Variants in ZIC5 observed in about 807,000 individuals in gnomAD.
ZIC5 encodes zinc finger protein ZIC 5.
ZIC5 carries 20 observed loss-of-function variants against 28.5 expected under a neutral mutation model. The ratio of observed to expected loss-of-function variants is 0.70; its 90% CI spans 0.49 to 1.02. The LOEUF (loss-of-function observed/expected upper bound fraction) is 1.02. Ranked by LOEUF, ZIC5 falls within the 50% of genes least tolerant of loss-of-function variation. ZIC5 has a pLI of 0.00. For synonymous variants in ZIC5, 488 were observed against 410.4 expected, an observed-to-expected ratio of 1.19 and a Z score of -2.29; for missense variants, 951 against 899.7, an observed-to-expected ratio of 1.06 and a Z score of -0.73.
intron 1 of ZIC5, among the ~76,000 whole-genome samples, chr13:99,966,486 C>G (rs1403820025): frequency 6.6e-6 from 1 of 152,150 alleles, no homozygotes; most frequent in African/African-American, 2.4e-5. Context: ...TCGATTTTTA[C>G]AGGGCTAGCT....
intron 1 of ZIC5, among the ~76,000 whole-genome samples, chr13:99,968,091 C>A (rs575831615): frequency 1.0e-3 from 152 of 152,334 alleles, no homozygotes; most frequent in African/African-American, 3.6e-3. Context: ...AGGAAAGGGG[C>A]CTTCGGAAGT....
In ZIC5 at chr13:99,970,125, A is replaced by C; in HGVS notation, c.1477+2T>G. 1 of 1,593,658 alleles carries C rather than the reference A, an allele frequency of 6.3e-7. No homozygotes were observed. The highest frequency in any genetic ancestry group is 8.5e-7 in the Non-Finnish European group (1 of 1,172,180). ...GCGGCGCGGCCGGGGACAGACACCC[A>C]CCTGTATGAGTACGCTTGTGGATCT... On this transcript the variant is annotated splice_donor_variant, in intron 1 of 1. Transcript: ENST00000267294. LOFTEE classifies it high-confidence loss of function.
rs1308466179 is a variant in ZIC5 at position 99,963,955 on chromosome 13, A to T, written c.*1422T>A. 1 of 152,516 alleles carries T rather than the reference A, an allele frequency of 6.6e-6. No homozygotes were observed. Among genetic ancestry groups the T allele is most frequent in the Non-Finnish European group, 1.5e-5 (1 of 68,038 alleles). 9.4% of individuals were successfully genotyped at this position (152,516 alleles called of 1,614,324 possible). ...TAGTGCTCTTTAGTGTATCTGTAGG[A>T]TGTTTCTGATGGACTACATTTTGCA... On this transcript the variant is annotated 3_prime_UTR_variant, in exon 2 of 2. Coordinates refer to ENST00000267294, the MANE Select transcript of ZIC5 (RefSeq NM_033132.5).
At position 99,971,301 on chromosome 13, in the gene ZIC5, T is replaced by G. The variant is rs1192616749; in HGVS notation, c.303A>C (p.Ala101=). The stretch of plus-strand genomic sequence containing the variant: ...CCGCGCCGGGGTGCGCGACCAAGGC[T>G]GCAGCACGGGCGGCGGCTGCCGGAG... ...PEAPAAAARA[A]ALVAHPGAGS... is the part of the protein sequence containing the mutation. Residue 101 remains alanine, a synonymous_variant, in exon 1 of 2, where the codon GCA becomes GCC. Transcript: ENST00000267294. 2.0e-5 allele frequency: 28 copies of G among 1,368,990 alleles called. No individual in the cohort carries two copies. The highest frequency in any genetic ancestry group is 4.0e-5 in the Admixed American group (1 of 25,004). The allele number at this position is 1,368,990 out of a possible 1,614,324, so 84.8% of individuals were successfully genotyped here.
chr13:99,971,637 TG>T lies in ZIC5; in HGVS notation c.-35del, dbSNP rs376782425. ...CACAATCAGGCCCATAGACCCTCAC[TG>T]GGGGGACTTTATTCCCTCTGCCCGC... On this transcript the variant is annotated 5_prime_UTR_variant, in exon 1 of 2. The change creates a premature stop within an existing upstream ORF in the 5' untranslated region. Coordinates refer to ENST00000267294, the MANE Select transcript of ZIC5 (RefSeq NM_033132.5). The T allele has an allele frequency of 1.5e-4, 236 of 1,560,632 alleles. No individual in the cohort carries two copies. In the East Asian group the frequency reaches 3.6e-3, roughly 24 times the overall value.
At position 99,970,049 on chromosome 13, in the gene ZIC5, G is replaced by A. The variant is rs2053135566; in HGVS notation, c.1477+78C>T. On this transcript the variant is annotated intron_variant, in intron 1 of 1. Transcript: ENST00000267294. ...AAAATTAAGGCGAGCAGGAGGAGGA[G>A]GAGAAGCAGCGGCGGAAGCGGCGGC... 22 of 1,593,916 alleles carry A rather than the reference G, an allele frequency of 1.4e-5. 1 individual carries two copies. In the South Asian group the frequency reaches 2.4e-4, roughly 18 times the overall value.
At chr13:99,968,225 A>G (rs532138291) in intron 1 of ZIC5, among the ~76,000 whole-genome samples, 4 of 152,256 alleles carry the variant, frequency 2.6e-5, no homozygotes, top group Admixed American at 2.6e-4. Context: ...AATGTCCAAT[A>G]GCTGAGCGGC....
intron 1 of ZIC5, among the ~76,000 whole-genome samples, chr13:99,968,404 C>CGGGTCCCCTCGCCGCCTG (rs1195714013): frequency 3.3e-5 from 5 of 152,122 alleles, no homozygotes; most frequent in Admixed American, 2.0e-4. Context: ...CAAATGACCG[C>CGGGTCCCCTCGCCGCCTG]GGGTCCCCTC....
At position 99,963,207 on chromosome 13, in the gene ZIC5, T is replaced by C. The variant is rs2053070382; in HGVS notation, c.*2170A>G. ...TCCTTTGTTTCATAATAAATAAACC[T>C]GTAGCATAATAAAGAATAGTGCAAA... On this transcript the variant is annotated 3_prime_UTR_variant, in exon 2 of 2. Transcript: ENST00000267294. 6.5e-6 allele frequency: 1 copy of C among 152,694 alleles called. No individual in the cohort carries two copies. Among genetic ancestry groups the C allele is most frequent in the South Asian group, 2.1e-4 (1 of 4,828 alleles). 9.5% of individuals were successfully genotyped at this position (152,694 alleles called of 1,614,324 possible). A position where few individuals can be genotyped will look rare whatever the true frequency, so the allele number is the denominator to read the frequency against.
chr13:99,965,443 T>G lies in ZIC5; in HGVS notation c.1854A>C (p.Gly618=), dbSNP rs1213380493. The change falls in exon 2 of 2, where the codon GGA becomes GGC. Residue 618 remains glycine (G), a synonymous_variant. Transcript: ENST00000267294. ...CCTCATCTTCAGTCTCAGAGGTGGT[T>G]CCGTTGCTGGAAGGGGTGTGGAGGT... The part of the protein sequence containing the change: ...PSHLHTPSSN[G]TTSETEDEEI... 1.2e-6 allele frequency: 2 copies of G among 1,614,144 alleles called. No individual in the cohort carries two copies. Among genetic ancestry groups the G allele is most frequent in the Non-Finnish European group, 8.5e-7 (1 of 1,180,014 alleles).
chr13:99,965,346 T>C lies in ZIC5; in HGVS notation c.*31A>G, dbSNP rs367619609. On this transcript the variant is annotated 3_prime_UTR_variant, in exon 2 of 2. Transcript: ENST00000267294. ...GATGTGGTCCAAGGACTCCCACTTA[T>C]TATTTCACTTATTATTATTAATAAT... 97 of 1,579,912 alleles carry C rather than the reference T, an allele frequency of 6.1e-5. No homozygotes were observed. Among genetic ancestry groups the C allele is most frequent in the Non-Finnish European group, 7.7e-5 (90 of 1,164,102 alleles).
In ZIC5 at chr13:99,971,715, TC is replaced by T. The variant is rs1160109051; in HGVS notation, c.-113del. ...CTCTTTAACTTCTTTTGTCCTGGCC[TC>T]TTAACTCTGCTTATTCCTGTTCCCA... is the stretch of plus-strand genomic sequence containing the variant. On this transcript the variant is annotated 5_prime_UTR_variant, in exon 1 of 2. Transcript: ENST00000267294. 3 of 1,549,382 alleles carry T rather than the reference TC, an allele frequency of 1.9e-6. No homozygotes were observed. The highest frequency in any genetic ancestry group is 2.7e-5 in the African/African-American group (2 of 72,900).
chr13:99,965,303 G>C lies in ZIC5; in HGVS notation c.*74C>G. 1 of 1,433,370 alleles carries C rather than the reference G, an allele frequency of 7.0e-7. No homozygotes were observed. The highest frequency in any genetic ancestry group is 9.4e-7 in the Non-Finnish European group (1 of 1,064,978). 88.8% of individuals were successfully genotyped at this position (1,433,370 alleles called of 1,614,324 possible). A position where few individuals can be genotyped will look rare whatever the true frequency, so the allele number is the denominator to read the frequency against. On this transcript the variant is annotated 3_prime_UTR_variant, in exon 2 of 2. Coordinates refer to ENST00000267294, the MANE Select transcript of ZIC5 (RefSeq NM_033132.5). ...TGAGTCACGGGTTTGTCTCAGGCTC[G>C]GCATTGTCTCAGGTTAGGATGTGGT...
At position 99,971,076 on chromosome 13, in the gene ZIC5, C is replaced by G; in HGVS notation, c.528G>C (p.Arg176=). The G allele has an allele frequency of 7.0e-7, 1 of 1,432,752 alleles. No individual in the cohort carries two copies. The highest frequency in any genetic ancestry group is 9.1e-7 in the Non-Finnish European group (1 of 1,104,142). 88.8% of individuals were successfully genotyped at this position (1,432,752 alleles called of 1,614,324 possible). Residue 176 remains arginine, a synonymous_variant, in exon 1 of 2, where the codon CGG becomes CGC. Coordinates refer to ENST00000267294, the MANE Select transcript of ZIC5 (RefSeq NM_033132.5). ...CGGGGGCCGTGGCGGAAAGGTCCCT[C>G]CGGAGGACGAAGTCCCTGCTGTGGC... ...GKGHSRDFVL[R]RDLSATAPAA...
Position 99,970,557 on chromosome 13 carries a change from G to GTGCTGGTGCGGGTGC in ZIC5, c.1032_1046dup (p.Gln344_Gln348dup), listed in dbSNP as rs779482891. The GTGCTGGTGCGGGTGC allele has an allele frequency of 9.4e-7, 1 of 1,060,544 alleles. No individual in the cohort carries two copies. Among genetic ancestry groups the GTGCTGGTGCGGGTGC allele is most frequent in the East Asian group, 8.0e-5 (1 of 12,470 alleles). The allele number at this position is 1,060,544 out of a possible 1,614,324, so 65.7% of individuals were successfully genotyped here. On this transcript the variant is annotated inframe_insertion, in exon 1 of 2. Coordinates refer to ENST00000267294, the MANE Select transcript of ZIC5 (RefSeq NM_033132.5). Reference sequence around the variant, plus strand: ...CAGCCGCCCCTGGGAGGTGGGGGTGGTGCTGGTGCGGGTGCTGCGCGGGCG... The same window carrying GTGCTGGTGCGGGTGC: ...CAGCCGCCCCTGGGAGGTGGGGGTGGTGCTGGTGCGGGTGCTGCTGGTGCGGGTGCTGCGCGGGCG...
chr13:99,970,583 CCGGCGG>C lies in ZIC5; in HGVS notation c.1015_1020del (p.Pro339_Pro340del), dbSNP rs532287066. The C allele has an allele frequency of 1.2e-5, 12 of 992,098 alleles. No individual in the cohort carries two copies. Among genetic ancestry groups the C allele is most frequent in the Non-Finnish European group, 1.4e-5 (12 of 838,678 alleles). 61.5% of individuals were successfully genotyped at this position (992,098 alleles called of 1,614,324 possible). A position where few individuals can be genotyped will look rare whatever the true frequency, so the allele number is the denominator to read the frequency against. ...TGCTGGTGCGGGTGCTGCGCGGGCG[CCGGCGG>C]CGGCGGCGGCGCCGGGGGCGGCGCG... is the stretch of plus-strand genomic sequence containing the variant. On this transcript the variant is annotated inframe_deletion, in exon 1 of 2. Coordinates refer to ENST00000267294, the MANE Select transcript of ZIC5 (RefSeq NM_033132.5).
At chr13:99,968,129 T>C (rs1275899353) in intron 1 of ZIC5, among the ~76,000 whole-genome samples, 3 of 152,068 alleles carry the variant, frequency 2.0e-5, no homozygotes, top group Non-Finnish European at 4.4e-5. Context: ...CTTTGATCAA[T>C]CCGTTCCGGG....
chr13:99,970,349 T>C lies in ZIC5; in HGVS notation c.1255A>G (p.Asn419Asp). The C allele has an allele frequency of 6.2e-7, 1 of 1,603,316 alleles. No homozygotes were observed. Reference protein sequence around the residue: ...KTFGTMHELVNHVTVEHVGGP... With the variant: ...KTFGTMHELVDHVTVEHVGGP... Reference sequence around the variant, plus strand: ...CCCACGTGCTCCACCGTGACGTGATTCACCAGCTCGTGCATGGTGCCGAAA... The same window carrying C: ...CCCACGTGCTCCACCGTGACGTGATCCACCAGCTCGTGCATGGTGCCGAAA... The change falls in exon 1 of 2, where the codon AAT (asparagine) becomes GAT (aspartate). Residue 419 changes from asparagine (N) to aspartate (D), a missense_variant. Physicochemically the swap from Asn to Asp is conservative, Grantham distance 23. Around this residue, in one of 3 missense-constraint regions of ZIC5, gnomAD observed 784 missense variants for 660.1 expected, o/e 1.19. Transcript: ENST00000267294.
At chr13:99,968,505 T>C (rs2053118602) in intron 1 of ZIC5, among the ~76,000 whole-genome samples, 4 of 151,990 alleles carry the variant, frequency 2.6e-5, no homozygotes, top group African/African-American at 9.7e-5. Context: ...GCGTGGCCTG[T>C]CCCGCCGGGG....
Sources: gnomAD v4.1 joint callset for allele counts (sites outside exome capture counted in the v4.1 genomes callset) on GRCh38, gnomAD v4.1.1 for gene constraint, gnomAD v4.1.1 regional missense constraint, MANE v1.5 for transcripts, NCBI Gene and HGNC (gene_info 2026-07-23, HGNC 2026-07-21) for gene names.